TBC1D5: variants seen among roughly 807,000 people sequenced by gnomAD.
TBC1D5 encodes TBC1 domain family, member 5.
Under a neutral mutation model 100.3 loss-of-function variants are expected in TBC1D5, and 75 were observed. That is an observed-to-expected ratio of 0.75 (90% CI 0.62 to 0.91). The LOEUF (loss-of-function observed/expected upper bound fraction) is 0.91, where lower values mean the gene tolerates loss of function less well. TBC1D5 is among the 40% of genes least tolerant of loss of function. The pLI, the probability that TBC1D5 is intolerant of heterozygous loss-of-function variation, is 0.00. For synonymous variants in TBC1D5, 323 were observed against 325.6 expected (o/e 0.99, Z 0.09); for missense variants, 910 against 942.4 (o/e 0.97, Z 0.45).
intron 17 of TBC1D5, among the ~76,000 whole-genome samples, chr3:17,216,405 C>T (rs148071255): frequency 6.6e-6 from 1 of 152,064 alleles, no homozygotes; most frequent in Non-Finnish European, 1.5e-5. Context: ...ATGGTCTGCC[C>T]CCATCCCTCT....
chr3:17,281,010 G>A (rs2080527893), intron 15 of TBC1D5, among the ~76,000 whole-genome samples: 1 of 152,206 alleles, frequency 6.6e-6, no homozygotes, highest in South Asian at 2.1e-4. Context: ...CCTCCCGCAA[G>A]GGGTTGAGTG....
intron 1 of TBC1D5, among the ~76,000 whole-genome samples, chr3:17,695,150 T>C (rs1045068088): frequency 1.3e-5 from 2 of 152,074 alleles, no homozygotes; most frequent in African/African-American, 2.4e-5. Context: ...ACATGCCAAA[T>C]TGTAAAGACC....
intron 13 of TBC1D5, among the ~76,000 whole-genome samples, chr3:17,351,938 T>C (rs541104825): frequency 2.1e-4 from 31 of 148,832 alleles, no homozygotes; most frequent in South Asian, 1.7e-3. Context: ...CGTTTTTTTT[T>C]CCCCCCAAAA....
chr3:17,526,135 T>C (rs2153354303), intron 2 of TBC1D5, among the ~76,000 whole-genome samples: 1 of 152,310 alleles, frequency 6.6e-6, no homozygotes, highest in African/African-American at 2.4e-5. Flanking sequence ...AGAAAAACCC[T>C]AGAATATACC....
chr3:17,224,452 AATT>A (rs2074622206), intron 17 of TBC1D5, among the ~76,000 whole-genome samples: 1 of 152,220 alleles, frequency 6.6e-6, no homozygotes, highest in Admixed American at 6.5e-5. Flanking sequence ...CAAAATAAAA[AATT>A]ATTGACAAAT....
At chr3:17,741,380 C>G (rs1009957489), upstream of TBC1D5, among the ~76,000 whole-genome samples, 1 of 152,162 alleles carries the variant, frequency 6.6e-6, no homozygotes, top group Non-Finnish European at 1.5e-5. Flanking sequence ...AAGAGAAAAA[C>G]CAATATATAA....
intron 16 of TBC1D5, among the ~76,000 whole-genome samples, chr3:17,252,181 G>C (rs142053324): frequency 6.6e-6 from 1 of 152,272 alleles, no homozygotes; most frequent in East Asian, 1.9e-4. Flanking sequence ...ACTTTATCTA[G>C]TGACGGCTTT....
intron 2 of TBC1D5, among the ~76,000 whole-genome samples, chr3:17,583,454 G>A (rs1393145837): frequency 2.6e-5 from 4 of 151,910 alleles, no homozygotes; most frequent in Admixed American, 6.6e-5. Context: ...GGCTGGGTGC[G>A]ATGGCTCATG....
intron 14 of TBC1D5, among the ~76,000 whole-genome samples, chr3:17,303,636 T>C (rs764487516): frequency 1.1e-4 from 17 of 152,158 alleles, no homozygotes; most frequent in Non-Finnish European, 1.6e-4. Context: ...GACCACAACT[T>C]TGTATGCATT....
intron 2 of TBC1D5, among the ~76,000 whole-genome samples, chr3:17,594,214 A>G (rs569398387): frequency 6.6e-6 from 1 of 152,350 alleles, no homozygotes; most frequent in Non-Finnish European, 1.5e-5. Context: ...GACCTGGACT[A>G]TCAAGATGAA....
Position 17,247,233 on chromosome 3 carries a change from C to T in TBC1D5, c.1332-8814G>A, listed in dbSNP as rs1172585643. 2.0e-5 allele frequency among the ~76,000 whole-genome samples: 3 copies of T among 152,098 alleles called. No individual in the cohort carries two copies. The East Asian group carries it at 5.8e-4, about 29-fold the overall frequency. On this transcript the variant is annotated intron_variant, in intron 16 of 21. Transcript: ENST00000253692. ...ATCTTGCTGGGAGAATTAAGCACTC[C>T]ACTGGGAGAGAACAACTGAAAGTTT...
intron 4 of TBC1D5, among the ~76,000 whole-genome samples, chr3:17,411,007 C>T (rs761246979): frequency 2.6e-5 from 4 of 152,086 alleles, no homozygotes; most frequent in Non-Finnish European, 5.9e-5. Flanking sequence ...GAATCTCATG[C>T]TACAGAGAAA....
intron 1 of TBC1D5, among the ~76,000 whole-genome samples, chr3:17,635,341 C>T (rs1011152213): frequency 1.3e-5 from 2 of 152,146 alleles, no homozygotes; most frequent in Admixed American, 1.3e-4. Context: ...TATTTAAAGA[C>T]ATAACATTGA....
chr3:17,521,850 C>T (rs543285345), intron 2 of TBC1D5, among the ~76,000 whole-genome samples: 8 of 152,060 alleles, frequency 5.3e-5, no homozygotes, highest in East Asian at 1.9e-4. Context: ...ATTTTTAAAA[C>T]ATTAAATAAT....
chr3:17,368,086 A>C (rs1343467873), intron 13 of TBC1D5, among the ~76,000 whole-genome samples: 4 of 114,176 alleles, frequency 3.5e-5, no homozygotes, highest in African/African-American at 1.4e-4. Context: ...TGCTAACAAA[A>C]AATTTTTAAT....
In TBC1D5 at chr3:17,512,301, A is replaced by G. The variant is rs146927465; in HGVS notation, c.-35-3696T>C. 3.9e-5 allele frequency among the ~76,000 whole-genome samples: 6 copies of G among 152,242 alleles called. No individual in the cohort carries two copies. The East Asian group carries it at 1.2e-3, about 29-fold the overall frequency. On this transcript the variant is annotated intron_variant, in intron 2 of 21. Coordinates refer to ENST00000253692, the Ensembl canonical transcript of TBC1D5. The stretch of plus-strand genomic sequence containing the variant: ...GCAAATATCAAACTATAAAAAATTA[A>G]GAGATTTTATTTAGTCTAAAAATTT...
intron 2 of TBC1D5, among the ~76,000 whole-genome samples, chr3:17,535,311 A>G (rs573180503): frequency 6.6e-6 from 1 of 152,334 alleles, no homozygotes; most frequent in East Asian, 1.9e-4. Context: ...ATGTTAGTGT[A>G]GTTGGTACAA....
chr3:17,420,371 CTACT>C (rs2094179769), intron 4 of TBC1D5, among the ~76,000 whole-genome samples: 1 of 152,000 alleles, frequency 6.6e-6, no homozygotes, highest in Non-Finnish European at 1.5e-5. Context: ...ATATTGACTC[CTACT>C]TAAATATCCT....
intron 2 of TBC1D5, among the ~76,000 whole-genome samples, chr3:17,580,217 T>C (rs1333396886): frequency 6.6e-6 from 1 of 152,120 alleles, no homozygotes; most frequent in Non-Finnish European, 1.5e-5. Flanking sequence ...TTTACAAACT[T>C]GAAACTTTAA....
Sources: gnomAD v4.1 joint callset for allele counts (sites outside exome capture counted in the v4.1 genomes callset) on GRCh38, gnomAD v4.1.1 for gene constraint, MANE v1.5 for transcripts, NCBI Gene and HGNC (gene_info 2026-07-23, HGNC 2026-07-21) for gene names.